The following PLCB1 variants were observed in gnomAD, a reference collection of about 807,000 sequenced individuals.
PLCB1 encodes 1-phosphatidylinositol 4,5-bisphosphate phosphodiesterase beta-1.
PLCB1 carries 46 observed loss-of-function variants against 161.8 expected under a neutral mutation model. That is an observed-to-expected ratio of 0.28 (90% CI 0.22 to 0.36). The LOEUF (loss-of-function observed/expected upper bound fraction) is 0.36, where lower values mean the gene tolerates loss of function less well. Ranked by LOEUF, PLCB1 falls within the 10% of genes least tolerant of loss-of-function variation. PLCB1 has a pLI of 1.00. For synonymous variants in PLCB1, 517 were observed against 503.7 expected (o/e 1.03, Z -0.35); for missense variants, 1,016 against 1,472.5 (o/e 0.69, Z 5.07).
At chr20:8,862,962 C>T (rs1284576585) in intron 31 of PLCB1, among the ~76,000 whole-genome samples, 1 of 152,172 alleles carries the variant, frequency 6.6e-6, no homozygotes, top group Non-Finnish European at 1.5e-5. Context: ...AGACAAGTTA[C>T]AAATGTGGGC....
intron 2 of PLCB1, among the ~76,000 whole-genome samples, chr20:8,186,392 G>T (rs1168919467): frequency 6.6e-6 from 1 of 152,110 alleles, no homozygotes; most frequent in African/African-American, 2.4e-5. Context: ...GATGTTAATT[G>T]ATGTTGTCTT....
At chr20:8,224,615 C>G (rs1377204495) in intron 2 of PLCB1, among the ~76,000 whole-genome samples, 1 of 152,016 alleles carries the variant, frequency 6.6e-6, no homozygotes, top group East Asian at 1.9e-4. Context: ...TTTTAAAGAA[C>G]TTTTTGATGG....
At chr20:8,843,866 A>G (rs1986596072) in intron 31 of PLCB1, among the ~76,000 whole-genome samples, 1 of 152,064 alleles carries the variant, frequency 6.6e-6, no homozygotes, top group Admixed American at 6.6e-5. Context: ...CTGCTGGGGA[A>G]AAAAAAGATT....
At chr20:8,797,762 G>T (rs1478079654) in intron 31 of PLCB1, among the ~76,000 whole-genome samples, 1 of 152,126 alleles carries the variant, frequency 6.6e-6, no homozygotes, top group South Asian at 2.1e-4. Flanking sequence ...GCTATCAAAG[G>T]GTGAACACAC....
At chr20:8,629,963 C>CTTCTTTCTTTCTTTCTTTCTTTCT (rs201039269) in intron 4 of PLCB1, among the ~76,000 whole-genome samples, 1 of 111,070 alleles carries the variant, frequency 9.0e-6, no homozygotes, top group Non-Finnish European at 1.7e-5. Flanking sequence ...TTCTTTCTTT[C>CTTCTTTCTTTCTTTCTTTCTTTCT]TTCTTTCTTT....
chr20:8,685,100 G>A, intron 10 of PLCB1, 22 bp downstream of exon 10: 1 of 1,608,362 alleles, frequency 6.2e-7, no homozygotes, highest in African/African-American at 1.3e-5. Flanking sequence ...CTAGTTCTTT[G>A]TTACTTTAGC....
At chr20:8,720,596 A>G (rs944911815) in intron 14 of PLCB1, among the ~76,000 whole-genome samples, 6 of 151,758 alleles carry the variant, frequency 4.0e-5, no homozygotes, top group Non-Finnish European at 5.9e-5. Context: ...CTAAGGAACT[A>G]GGGTAACCTA....
chr20:8,188,753 T>G (rs1221420371), intron 2 of PLCB1, among the ~76,000 whole-genome samples: 1 of 152,136 alleles, frequency 6.6e-6, no homozygotes, highest in Non-Finnish European at 1.5e-5. Context: ...TTAGCCAATT[T>G]TGTTAGGGTC....
intron 2 of PLCB1, among the ~76,000 whole-genome samples, chr20:8,193,057 G>A (rs914172506): frequency 6.6e-6 from 1 of 152,004 alleles, no homozygotes; most frequent in Non-Finnish European, 1.5e-5. Flanking sequence ...CTTTGCATAT[G>A]AAATGGGATA....
chr20:8,502,365 A>G (rs1983461299), intron 3 of PLCB1, among the ~76,000 whole-genome samples: 1 of 152,126 alleles, frequency 6.6e-6, no homozygotes, highest in Non-Finnish European at 1.5e-5. Context: ...ATTTTCTGAA[A>G]TTTTTGTAAC....
chr20:8,604,161 G>A (rs1001850610), intron 3 of PLCB1, among the ~76,000 whole-genome samples: 1 of 144,718 alleles, frequency 6.9e-6, no homozygotes, highest in Non-Finnish European at 1.5e-5. Context: ...GCTGAGGCAT[G>A]AGAATCCCCT....
chr20:8,660,554 C>A (rs1989594469), intron 9 of PLCB1, among the ~76,000 whole-genome samples: 1 of 152,026 alleles, frequency 6.6e-6, no homozygotes, highest in African/African-American at 2.4e-5. Context: ...GTATCCAATG[C>A]CTCCATACAT....
intron 3 of PLCB1, among the ~76,000 whole-genome samples, chr20:8,476,605 C>T (rs1047942729): frequency 2.0e-5 from 3 of 152,062 alleles, no homozygotes; most frequent in African/African-American, 7.2e-5. Context: ...TCATTAGAGC[C>T]TTCTCCAATT....
At chr20:8,422,814 C>G (rs1979596060) in intron 3 of PLCB1, among the ~76,000 whole-genome samples, 2 of 152,138 alleles carry the variant, frequency 1.3e-5, no homozygotes, top group African/African-American at 4.8e-5. Context: ...GGGGCTGTAG[C>G]ATAGACTCTG....
At chr20:8,219,129 G>A (rs916266272) in intron 2 of PLCB1, among the ~76,000 whole-genome samples, 1 of 152,124 alleles carries the variant, frequency 6.6e-6, no homozygotes, top group African/African-American at 2.4e-5. Context: ...GACACTCATT[G>A]TGGTTCTCCT....
intron 11 of PLCB1, among the ~76,000 whole-genome samples, chr20:8,701,472 G>A (rs1277269663): frequency 6.6e-6 from 1 of 151,990 alleles, no homozygotes; most frequent in Non-Finnish European, 1.5e-5. Flanking sequence ...ATTTAATACT[G>A]TCACCAGCCA....
chr20:8,487,891 C>T (rs188337359), intron 3 of PLCB1, among the ~76,000 whole-genome samples: 13 of 152,256 alleles, frequency 8.5e-5, no homozygotes. Flanking sequence ...CATTATGTTG[C>T]ATTCCTCCCA....
intron 23 of PLCB1, among the ~76,000 whole-genome samples, chr20:8,753,045 T>C (rs1382822902): frequency 1.3e-5 from 2 of 152,076 alleles, no homozygotes; most frequent in African/African-American, 4.8e-5. Context: ...CCCATAGGAC[T>C]GTGAACCCTA....
rs533938940 is a variant in PLCB1 at position 8,691,707 on chromosome 20, A to G, written c.1010-5919A>G. ...CAGAATGAAACCAATCAGTTTAGCA[A>G]TGCATTATTATTATGTCTATTTCTC... is the stretch of plus-strand genomic sequence containing the variant. On this transcript the variant is annotated intron_variant, in intron 10 of 31. Coordinates refer to ENST00000338037, the MANE Select transcript of PLCB1 (RefSeq NM_015192.4). Among the ~76,000 whole-genome samples, 6 of 152,302 alleles carry G rather than the reference A, an allele frequency of 3.9e-5. No individual in the cohort carries two copies. The East Asian group carries it at 9.6e-4, about 24-fold the overall frequency.
Sources: allele counts gnomAD v4.1 joint callset (sites outside exome capture counted in the v4.1 genomes callset), GRCh38; gene constraint gnomAD v4.1.1; transcripts MANE v1.5; gene names NCBI Gene and HGNC (gene_info 2026-07-23, HGNC 2026-07-21).